TTC7B: variants seen among roughly 807,000 people sequenced by gnomAD.
TTC7B encodes tetratricopeptide repeat domain 7B.
Under a neutral mutation model 106.8 loss-of-function variants are expected in TTC7B, and 28 were observed. The ratio of observed to expected loss-of-function variants is 0.26; its 90% CI spans 0.19 to 0.36. The LOEUF (loss-of-function observed/expected upper bound fraction) is 0.36, where lower values mean the gene tolerates loss of function less well. TTC7B is among the 10% of genes least tolerant of loss of function. The pLI is 1.00. For missense variants in TTC7B, 862 were observed against 1,076.4 expected (o/e 0.80, Z 2.79); for synonymous variants, 405 against 430.6 (o/e 0.94, Z 0.74).
At chr14:90,701,576 A>G (rs1282861952) in intron 5 of TTC7B, among the ~76,000 whole-genome samples, 2 of 151,898 alleles carry the variant, frequency 1.3e-5, no homozygotes, top group East Asian at 3.9e-4. Context: ...CCACTCCCCT[A>G]AGCTCCGAGT....
In TTC7B at chr14:90,533,002, CCCT is replaced by C. The variant is rs1210373577; in HGVS notation, c.*8363_*8365del. ...CGGCCATGTGCTTGTGTTTTACACA[CCCT>C]CTGAATCTTTACAACCACCTTGTTC... On this transcript the variant is annotated 3_prime_UTR_variant, in exon 20 of 20. Transcript: ENST00000328459. 4 of 152,646 alleles carry C rather than the reference CCCT, an allele frequency of 2.6e-5. No individual in the cohort carries two copies. Among genetic ancestry groups the C allele is most frequent in the Admixed American group, 1.3e-4 (2 of 15,298 alleles). 9.5% of individuals were successfully genotyped at this position (152,646 alleles called of 1,614,324 possible).
At chr14:90,598,993 C>CA (rs946415652) in intron 17 of TTC7B, among the ~76,000 whole-genome samples, 10 of 151,798 alleles carry the variant, frequency 6.6e-5, no homozygotes, top group East Asian at 1.9e-4. Flanking sequence ...ACTAAAAATA[C>CA]AAAAAAAATT....
intron 3 of TTC7B, among the ~76,000 whole-genome samples, chr14:90,770,668 A>G (rs1348147464): frequency 6.6e-6 from 1 of 151,938 alleles, no homozygotes; most frequent in African/African-American, 2.4e-5. Context: ...AAAAAAAAAA[A>G]GAACAACCAG....
chr14:90,619,694 T>C (rs1893232042), intron 15 of TTC7B, among the ~76,000 whole-genome samples: 1 of 152,180 alleles, frequency 6.6e-6, no homozygotes, highest in South Asian at 2.1e-4. Flanking sequence ...TGTCTAACAC[T>C]CTTCAACAGA....
In TTC7B at chr14:90,573,577, G is replaced by A. The variant is rs764450746; in HGVS notation, c.2310+4529C>T. On this transcript the variant is annotated intron_variant, in intron 19 of 19. Transcript: ENST00000328459. ...GGCTCACGGTCCCTCTCCGGCTCAC[G>A]GTCCCTCTCCGGCTCACGGTCCCTC... is the stretch of plus-strand genomic sequence containing the variant. Among the ~76,000 whole-genome samples the A allele has an allele frequency of 1.3e-3, 145 of 113,278 alleles. 7 individuals are homozygous for A. The highest frequency in any genetic ancestry group is 2.0e-3 in the Non-Finnish European group (109 of 53,350). The allele number at this position is 113,278 out of a possible 152,430, so 74.3% of individuals were successfully genotyped here.
At chr14:90,800,058 T>C (rs1286331) in intron 1 of TTC7B, among the ~76,000 whole-genome samples, 99,523 of 151,804 alleles carry the variant, frequency 0.66, 34,371 homozygotes, top group Non-Finnish European at 0.76. Context: ...GGTCTCGATC[T>C]CCTGACCTCG....
chr14:90,547,531 C>T (rs908824956), intron 19 of TTC7B, among the ~76,000 whole-genome samples: 10 of 152,370 alleles, frequency 6.6e-5, no homozygotes, highest in African/African-American at 2.4e-4. Flanking sequence ...CACTGTGGCT[C>T]ACGCCTGTAA....
intron 17 of TTC7B, among the ~76,000 whole-genome samples, chr14:90,609,128 G>A (rs1216336595): frequency 6.6e-6 from 1 of 152,210 alleles, no homozygotes; most frequent in African/African-American, 2.4e-5. Flanking sequence ...CTGGGATGAT[G>A]CAGAACTCTG....
rs191720942 is a variant in TTC7B at position 90,601,894 on chromosome 14, A to G, written c.1967-8268T>C. ...AGATGAGGAAATGAGGCCCAGGGCG[A>G]TGCGGCGAGTTGCCGGGTGACTCCA... On this transcript the variant is annotated intron_variant, in intron 17 of 19. Coordinates refer to ENST00000328459, the MANE Select transcript of TTC7B (RefSeq NM_001010854.2). 15 of 313,990 alleles carry G rather than the reference A, an allele frequency of 4.8e-5. No individual in the cohort carries two copies. In the Admixed American group the frequency reaches 6.5e-4, roughly 14 times the overall value. 19.5% of individuals were successfully genotyped at this position (313,990 alleles called of 1,614,324 possible).
At chr14:90,677,733 C>T (rs1160400645) in intron 8 of TTC7B, 1 of 434,196 alleles carries the variant, frequency 2.3e-6, no homozygotes, top group East Asian at 7.1e-5. Context: ...GCCACACACA[C>T]ACCTTCCCTC....
At chr14:90,660,109 G>A (rs896370711) in intron 9 of TTC7B, among the ~76,000 whole-genome samples, 2 of 152,010 alleles carry the variant, frequency 1.3e-5, no homozygotes, top group Non-Finnish European at 2.9e-5. Flanking sequence ...AGGCGGCTGG[G>A]CGCAGTGGCT....
intron 1 of TTC7B, among the ~76,000 whole-genome samples, chr14:90,804,880 G>T (rs1250414137): frequency 1.3e-5 from 2 of 152,236 alleles, no homozygotes; most frequent in Non-Finnish European, 2.9e-5. Flanking sequence ...GCGGAGAGAT[G>T]AGGACCACAG....
chr14:90,793,620 T>C (rs1891665215), intron 1 of TTC7B, among the ~76,000 whole-genome samples: 1 of 151,604 alleles, frequency 6.6e-6, no homozygotes, highest in African/African-American at 2.4e-5. Context: ...TTTCTTTTTT[T>C]TTTTTGAGAT....
intron 18 of TTC7B, among the ~76,000 whole-genome samples, chr14:90,591,201 C>G (rs1264799330): frequency 2.0e-5 from 3 of 152,086 alleles, no homozygotes; most frequent in Non-Finnish European, 4.4e-5. Flanking sequence ...ATCAGTGGAG[C>G]ATGGTGGCAG....
intron 9 of TTC7B, among the ~76,000 whole-genome samples, chr14:90,664,596 A>T (rs752548634): frequency 6.6e-5 from 10 of 152,340 alleles, no homozygotes; most frequent in Non-Finnish European, 1.5e-4. Context: ...TAATGGTTCC[A>T]GTGAAAAAGA....
At chr14:90,556,607 C>T (rs1890318437) in intron 19 of TTC7B, among the ~76,000 whole-genome samples, 1 of 152,186 alleles carries the variant, frequency 6.6e-6, no homozygotes, top group Non-Finnish European at 1.5e-5. Flanking sequence ...ACCAACAGCA[C>T]AGAGCAGCCT....
chr14:90,801,501 C>A (rs531629976), intron 1 of TTC7B, among the ~76,000 whole-genome samples: 1 of 152,096 alleles, frequency 6.6e-6, no homozygotes, highest in Non-Finnish European at 1.5e-5. Flanking sequence ...TGAAGATAAA[C>A]CCTCGATTTG....
chr14:90,801,949 T>C (rs2030297510), intron 1 of TTC7B, among the ~76,000 whole-genome samples: 1 of 151,796 alleles, frequency 6.6e-6, no homozygotes, highest in African/African-American at 2.4e-5. Flanking sequence ...TAATCCCAGC[T>C]ACTCAGGAGG....
rs1272569311 is a variant in TTC7B, at chr14:90,808,615, A to G, written c.121+7560T>C. On this transcript the variant is annotated intron_variant, in intron 1 of 19. Transcript: ENST00000328459. This position sits in a 1 kb window ranked among gnomAD's most constrained non-coding sequence, Gnocchi z 4.2. Reference sequence around the variant, plus strand: ...TTTCCTGTGGCTGTGGCCGTCTTTCATATTTTATATGGCACCCATTTGACC... The same window carrying G: ...TTTCCTGTGGCTGTGGCCGTCTTTCGTATTTTATATGGCACCCATTTGACC... Among the ~76,000 whole-genome samples, 4 of 152,120 alleles carry G rather than the reference A, an allele frequency of 2.6e-5. No individual in the cohort carries two copies. The highest frequency in any genetic ancestry group is 5.9e-5 in the Non-Finnish European group (4 of 68,024).
Sources: gnomAD v4.1 joint callset for allele counts (sites outside exome capture counted in the v4.1 genomes callset) on GRCh38, gnomAD v4.1.1 for gene constraint, Gnocchi (gnomAD v3.1) non-coding constraint, MANE v1.5 for transcripts, NCBI Gene and HGNC (gene_info 2026-07-23, HGNC 2026-07-21) for gene names.